Variants in PIK3C3 observed in about 807,000 individuals in gnomAD.
PIK3C3 encodes phosphatidylinositol 3-kinase catalytic subunit type 3.
PIK3C3 carries 95 observed loss-of-function variants against 126.1 expected under a neutral mutation model. The ratio of observed to expected loss-of-function variants is 0.75; its 90% CI spans 0.64 to 0.89. The LOEUF is 0.89. Ranked by LOEUF, PIK3C3 falls within the 40% of genes least tolerant of loss-of-function variation. The probability of loss-of-function intolerance (pLI) is 0.00; values close to 1 mark genes in which losing one functional copy is unlikely to be tolerated. For missense variants in PIK3C3, 829 were observed against 1,063.2 expected, an observed-to-expected ratio of 0.78 and a Z score of 3.06; for synonymous variants, 374 against 360.0, an observed-to-expected ratio of 1.04 and a Z score of -0.44.
chr18:41,958,506 A>T (rs1979907436), intron 2 of PIK3C3, among the ~76,000 whole-genome samples: 1 of 152,138 alleles, frequency 6.6e-6, no homozygotes, highest in African/African-American at 2.4e-5. Context: ...AGAGGGTTCA[A>T]CCCTGTGTGT....
rs1428544886 is a variant in PIK3C3 at position 42,027,516 on chromosome 18, G to A, written c.1558G>A (p.Val520Ile). 3.1e-6 allele frequency: 5 copies of A among 1,610,972 alleles called. No homozygotes were observed. The South Asian group carries it at 3.3e-5, about 11-fold the overall frequency. ...DPKTHEMYLNVMRRFSQALLK... is the reference protein window; with the variant it reads ...DPKTHEMYLNIMRRFSQALLK... ...AAAGACCCATGAGATGTACTTGAAC[G>A]TAATGAGAAGATTCAGCCAAGCATT... Residue 520 changes from valine (V) to isoleucine (I), a missense_variant, in exon 14 of 25, where the codon GTA becomes ATA. Around this residue, in one of 4 missense-constraint regions of PIK3C3, gnomAD observed 256 missense variants for 291.0 expected, o/e 0.88. Coordinates refer to ENST00000262039, the MANE Select transcript of PIK3C3 (RefSeq NM_002647.4).
In PIK3C3 at chr18:41,955,286, G is replaced by C. The variant is rs773117159; in HGVS notation, c.-6G>C. On this transcript the variant is annotated 5_prime_UTR_variant, in exon 1 of 25. Transcript: ENST00000262039. ...CGCTGTAGGTGGTACCTTTGCAGACGGTGCGATGGGGGAAGCAGAGAAGTT... is the reference window on the plus strand; with the variant it reads ...CGCTGTAGGTGGTACCTTTGCAGACCGTGCGATGGGGGAAGCAGAGAAGTT... 6.2e-7 allele frequency: 1 copy of C among 1,612,044 alleles called. No homozygotes were observed. The highest frequency in any genetic ancestry group is 8.5e-7 in the Non-Finnish European group (1 of 1,178,758).
chr18:42,072,848 T>C (rs1201522988), intron 24 of PIK3C3, among the ~76,000 whole-genome samples: 1 of 152,208 alleles, frequency 6.6e-6, no homozygotes, highest in East Asian at 1.9e-4. Context: ...AAGTGATCTT[T>C]ACAGTGCTTT....
chr18:41,959,669 C>T (rs976370652), intron 2 of PIK3C3, among the ~76,000 whole-genome samples: 1 of 152,076 alleles, frequency 6.6e-6, no homozygotes, highest in Non-Finnish European at 1.5e-5. Context: ...TGGCAGGTAC[C>T]TGTAATCCCA....
chr18:42,029,267 A>G, intron 14 of PIK3C3, 58 bp from the exon 15 acceptor site: 4 of 1,007,092 alleles, frequency 4.0e-6, no homozygotes, highest in Non-Finnish European at 6.4e-6. Flanking sequence ...ATGCTGTTAA[A>G]GAAATCCAGA....
chr18:41,964,933 A>G (rs987408020), intron 3 of PIK3C3, among the ~76,000 whole-genome samples: 44 of 152,186 alleles, frequency 2.9e-4, no homozygotes, highest in African/African-American at 9.7e-4. Context: ...TATTAAAGAG[A>G]TATTTGTTAT....
chr18:41,973,394 T>A (rs1403302649), intron 4 of PIK3C3, among the ~76,000 whole-genome samples: 1 of 152,076 alleles, frequency 6.6e-6, no homozygotes, highest in Non-Finnish European at 1.5e-5. Context: ...CTTGAGAAAA[T>A]ATATTTTGAT....
At chr18:41,987,415 A>AT (rs951143065) in intron 4 of PIK3C3, among the ~76,000 whole-genome samples, 4 of 151,958 alleles carry the variant, frequency 2.6e-5, no homozygotes, top group Non-Finnish European at 5.9e-5. Context: ...TGTAACTGTC[A>AT]TTTTTTCATG....
intron 24 of PIK3C3, among the ~76,000 whole-genome samples, chr18:42,080,811 CA>C (rs1568016331): frequency 6.6e-6 from 1 of 152,122 alleles, no homozygotes. Context: ...CTTTAGAATT[CA>C]GTGGAATTTT....
intron 9 of PIK3C3, 86 bp from the exon 10 acceptor site, chr18:42,004,270 T>G: frequency 1.0e-6 from 1 of 980,554 alleles, no homozygotes; most frequent in South Asian, 1.5e-5. Context: ...GGCTCTGTCA[T>G]TAGGACCTAG....
At chr18:41,968,831 GT>G in intron 3 of PIK3C3, among the ~76,000 whole-genome samples, 1 of 150,416 alleles carries the variant, frequency 6.6e-6, no homozygotes, top group South Asian at 2.1e-4. Context: ...TTTTTTTTAA[GT>G]TTTGAAACAG....
chr18:42,078,075 G>A (rs1356757889), intron 24 of PIK3C3, among the ~76,000 whole-genome samples: 2 of 152,094 alleles, frequency 1.3e-5, no homozygotes, highest in Non-Finnish European at 2.9e-5. Context: ...TCAACAGTGG[G>A]CTTAAAATTT....
intron 22 of PIK3C3, among the ~76,000 whole-genome samples, chr18:42,059,436 A>G (rs933880396): frequency 6.6e-6 from 1 of 152,220 alleles, no homozygotes; most frequent in Admixed American, 6.5e-5. Context: ...AAGCCCATAG[A>G]AAACTAGGTC....
intron 9 of PIK3C3, among the ~76,000 whole-genome samples, chr18:42,001,701 T>C (rs1323379259): frequency 6.6e-6 from 1 of 152,202 alleles, no homozygotes; most frequent in Admixed American, 6.5e-5. Flanking sequence ...TAAATCTTGC[T>C]AATAAGTCTA....
At chr18:42,024,015 G>A (rs977887654) in intron 13 of PIK3C3, among the ~76,000 whole-genome samples, 2 of 152,124 alleles carry the variant, frequency 1.3e-5, no homozygotes, top group African/African-American at 2.4e-5. Flanking sequence ...AAAATGATGG[G>A]CATCAGAATC....
chr18:41,990,165 A>G (rs1981704076), intron 5 of PIK3C3, among the ~76,000 whole-genome samples: 1 of 152,148 alleles, frequency 6.6e-6, no homozygotes, highest in South Asian at 2.1e-4. Context: ...CATGTGTGCA[A>G]AATACCTTCA....
At chr18:42,000,566 C>T (rs1039398961) in intron 9 of PIK3C3, among the ~76,000 whole-genome samples, 1 of 152,056 alleles carries the variant, frequency 6.6e-6, no homozygotes, top group African/African-American at 2.4e-5. Flanking sequence ...TGTGTTCATA[C>T]CCCACTTTTG....
At chr18:42,048,634 C>A (rs1407338026) in intron 20 of PIK3C3, among the ~76,000 whole-genome samples, 1 of 152,022 alleles carries the variant, frequency 6.6e-6, no homozygotes, top group East Asian at 1.9e-4. Context: ...ACTATTTTTC[C>A]AATAATTATG....
chr18:42,076,151 T>TATATATATATGCAC (rs1986006823), intron 24 of PIK3C3, among the ~76,000 whole-genome samples: 3 of 103,782 alleles, frequency 2.9e-5, no homozygotes, highest in African/African-American at 1.7e-4. Context: ...TATGCGCATA[T>TATATATATATGCAC]ATATATATAT....
Sources: allele counts gnomAD v4.1 joint callset (sites outside exome capture counted in the v4.1 genomes callset), GRCh38; gene constraint gnomAD v4.1.1; regional missense constraint gnomAD v4.1.1; transcripts MANE v1.5; gene names NCBI Gene and HGNC (gene_info 2026-07-23, HGNC 2026-07-21).